PRELID2: variants seen among roughly 807,000 people sequenced by gnomAD.
PRELID2 encodes PRELI domain containing 2.
PRELID2 carries 25 observed loss-of-function variants against 28.4 expected under a neutral mutation model. The observed-to-expected ratio is 0.88, with a 90% CI of 0.64 to 1.23. PRELID2 has a LOEUF of 1.23. Among genes scored for constraint, PRELID2 ranks in the 50% most tolerant of loss-of-function variants. PRELID2 has a pLI of 0.00. For missense variants in PRELID2, 201 were observed against 214.4 expected (o/e 0.94, Z 0.39); for synonymous variants, 76 against 71.6 (o/e 1.06, Z -0.31).
chr5:145,424,371 T>C, the PRELID2 span, among the ~76,000 whole-genome samples: 3 of 152,218 alleles, frequency 2.0e-5, no homozygotes, highest in African/African-American at 7.2e-5. Context: ...CAGACTGCTG[T>C]GCTAGCAATC....
chr5:145,265,759 T>C, the PRELID2 span, among the ~76,000 whole-genome samples: 33 of 152,252 alleles, frequency 2.2e-4, no homozygotes, highest in African/African-American at 7.0e-4. Flanking sequence ...GCAAGCCACA[T>C]GTAGAAGAAT....
intron 3 of PRELID2, among the ~76,000 whole-genome samples, chr5:145,818,621 G>A (rs537634860): frequency 1.3e-5 from 2 of 151,988 alleles, no homozygotes; most frequent in African/African-American, 4.8e-5. Flanking sequence ...GCAAAGGCAG[G>A]GTACACACTC....
the PRELID2 span, among the ~76,000 whole-genome samples, chr5:145,251,708 T>G: frequency 0.024 from 3,585 of 152,170 alleles, 140 homozygotes; most frequent in African/African-American, 0.082. Context: ...GGTCCTAGTT[T>G]TGGTTATGGA....
chr5:145,613,446 C>G (rs1185650376), intron 1 of PRELID2, among the ~76,000 whole-genome samples: 1 of 95,548 alleles, frequency 1.0e-5, no homozygotes, highest in Admixed American at 1.6e-4. Context: ...CCTCCCCCCT[C>G]CCCCCACCCC....
the PRELID2 span, among the ~76,000 whole-genome samples, chr5:145,247,436 G>A: frequency 6.6e-6 from 1 of 152,146 alleles, no homozygotes; most frequent in African/African-American, 2.4e-5. Flanking sequence ...GTGGTTACAA[G>A]ACAAGTGGCT....
chr5:145,757,279 T>TA lies in PRELID2; in HGVS notation c.*3256dup, dbSNP rs1277098173. 6.6e-6 allele frequency among the ~76,000 whole-genome samples: 1 copy of TA among 152,218 alleles called. No homozygotes were observed. The highest frequency in any genetic ancestry group is 6.5e-5 in the Admixed American group (1 of 15,278). On this transcript the variant is annotated 3_prime_UTR_variant, in exon 7 of 7. Coordinates refer to ENST00000683046, the MANE Select transcript of PRELID2 (RefSeq NM_205846.3). Reference sequence around the variant, plus strand: ...TGAAACTATAAAAGCCCCTTCCTGGTAAAAGCACCTCAGTCATATAGGGAT... The same window carrying TA: ...TGAAACTATAAAAGCCCCTTCCTGGTAAAAAGCACCTCAGTCATATAGGGAT...
At chr5:145,816,262 T>C (rs1472509721) in intron 4 of PRELID2, among the ~76,000 whole-genome samples, 1 of 151,876 alleles carries the variant, frequency 6.6e-6, no homozygotes, top group Non-Finnish European at 1.5e-5. Flanking sequence ...GTTGTATTTT[T>C]AGTAGAGACG....
intron 1 of PRELID2, among the ~76,000 whole-genome samples, chr5:145,823,632 G>A (rs746721980): frequency 6.6e-6 from 1 of 152,148 alleles, no homozygotes; most frequent in Non-Finnish European, 1.5e-5. Flanking sequence ...AATTAAACCA[G>A]GCCTGTTTAA....
the PRELID2 span, among the ~76,000 whole-genome samples, chr5:145,418,162 C>T: frequency 6.6e-6 from 1 of 151,882 alleles, no homozygotes; most frequent in Non-Finnish European, 1.5e-5. Flanking sequence ...AAAAAAATAC[C>T]TAGGAATACA....
intron 1 of PRELID2, among the ~76,000 whole-genome samples, chr5:145,515,292 C>A (rs1362580933): frequency 2.0e-5 from 3 of 152,046 alleles, no homozygotes; most frequent in Non-Finnish European, 4.4e-5. Context: ...ATCAAATAGA[C>A]ACAATAAAAA....
intron 1 of PRELID2, among the ~76,000 whole-genome samples, chr5:145,637,684 A>C (rs751079494): frequency 6.6e-6 from 1 of 152,174 alleles, no homozygotes; most frequent in Admixed American, 6.5e-5. Context: ...ATTTAGTAAG[A>C]GTGTGGGAGG....
the PRELID2 span, among the ~76,000 whole-genome samples, chr5:145,299,323 AGTTT>A: frequency 6.6e-5 from 10 of 152,086 alleles, no homozygotes; most frequent in African/African-American, 2.4e-4. Flanking sequence ...TTATTTTGAA[AGTTT>A]GTTTGGTTGA....
downstream of PRELID2, among the ~76,000 whole-genome samples, chr5:145,753,079 G>A (rs897061557): frequency 6.6e-6 from 1 of 152,150 alleles, no homozygotes; most frequent in Non-Finnish European, 1.5e-5. Context: ...CTTTGTCATC[G>A]GATCTAAAAG....
At chr5:145,257,612 T>C in the PRELID2 span, among the ~76,000 whole-genome samples, 3 of 152,096 alleles carry the variant, frequency 2.0e-5, no homozygotes, top group Non-Finnish European at 2.9e-5. Context: ...TGTTTAAGAA[T>C]ATAGAATGTT....
chr5:145,272,084 AT>A, the PRELID2 span, among the ~76,000 whole-genome samples: 9 of 150,240 alleles, frequency 6.0e-5, no homozygotes, highest in East Asian at 3.9e-4. Flanking sequence ...ATGGCAACAT[AT>A]TTTTTTTTTA....
chr5:145,759,068 T>G lies in PRELID2; in HGVS notation c.*1468A>C, dbSNP rs540643849. 1 of 136,632 alleles carries G rather than the reference T, an allele frequency of 7.3e-6. No individual in the cohort carries two copies. The highest frequency in any genetic ancestry group is 2.7e-5 in the African/African-American group (1 of 36,840). 8.5% of individuals were successfully genotyped at this position (136,632 alleles called of 1,614,324 possible). A position where few individuals can be genotyped will look rare whatever the true frequency, so the allele number is the denominator to read the frequency against. On this transcript the variant is annotated 3_prime_UTR_variant, in exon 7 of 7. Transcript: ENST00000683046. ...CAGGCTGGGGTGCAGTGGCACAATC[T>G]CAGCTTACTGCAACCTTCACCTCCT...
the PRELID2 span, among the ~76,000 whole-genome samples, chr5:145,328,413 C>T: frequency 8.5e-5 from 13 of 152,106 alleles, no homozygotes; most frequent in East Asian, 3.9e-4. Context: ...AGTGTAAAAG[C>T]GTTGCTATTT....
At chr5:145,485,757 A>C (rs1752211838) in intron 1 of PRELID2, among the ~76,000 whole-genome samples, 1 of 152,206 alleles carries the variant, frequency 6.6e-6, no homozygotes. Flanking sequence ...AACATAAGGT[A>C]CATGCTCATT....
the PRELID2 span, among the ~76,000 whole-genome samples, chr5:145,336,548 T>G: frequency 2.6e-5 from 4 of 152,120 alleles, no homozygotes; most frequent in East Asian, 7.7e-4. Flanking sequence ...CCCCATTGCT[T>G]GTTTTTCTCA....
Sources: allele counts gnomAD v4.1 joint callset (sites outside exome capture counted in the v4.1 genomes callset), GRCh38; gene constraint gnomAD v4.1.1; transcripts MANE v1.5; gene names NCBI Gene and HGNC (gene_info 2026-07-23, HGNC 2026-07-21).